Variants in PLPP3 observed in about 807,000 individuals in gnomAD.
PLPP3 encodes the protein phospholipid phosphatase 3.
In PLPP3, 6 loss-of-function variants were observed where a neutral mutation model predicts 29.6. That is an observed-to-expected ratio of 0.20 (90% confidence interval 0.11 to 0.40). The LOEUF is 0.40. Ranked by LOEUF, PLPP3 falls within the 10% of genes least tolerant of loss-of-function variation. The pLI is 1.00. For missense variants in PLPP3, 308 were observed against 407.7 expected, an observed-to-expected ratio of 0.76 and a Z score of 2.11; for synonymous variants, 152 against 159.7, an observed-to-expected ratio of 0.95 and a Z score of 0.36.
chr1:56,541,008 A>G (rs1475601418), intron 1 of PLPP3, among the ~76,000 whole-genome samples: 1 of 152,184 alleles, frequency 6.6e-6, no homozygotes, highest in Non-Finnish European at 1.5e-5. Context: ...AAGTCAATAC[A>G]TCATAGTACC....
intron 2 of PLPP3, among the ~76,000 whole-genome samples, chr1:56,531,914 C>T (rs896813706): frequency 3.3e-5 from 5 of 152,178 alleles, no homozygotes; most frequent in African/African-American, 1.2e-4. Flanking sequence ...TTATCTGACT[C>T]TCCACCCCAT....
intron 1 of PLPP3, among the ~76,000 whole-genome samples, chr1:56,555,567 G>A (rs576060783): frequency 6.6e-6 from 1 of 152,030 alleles, no homozygotes; most frequent in Admixed American, 6.5e-5. Context: ...ATGGAATGTG[G>A]TCCAATTACC....
chr1:56,522,073 A>G (rs1033182425), intron 4 of PLPP3, among the ~76,000 whole-genome samples: 4 of 152,228 alleles, frequency 2.6e-5, no homozygotes, highest in Non-Finnish European at 2.9e-5. Context: ...AAAAGAACAT[A>G]AAACAATGCT....
chr1:56,523,626 G>A (rs1446077027), intron 4 of PLPP3, among the ~76,000 whole-genome samples, 197 bp downstream of exon 4: 1 of 152,122 alleles, frequency 6.6e-6, no homozygotes, highest in Non-Finnish European at 1.5e-5. Context: ...TTGAAAAATG[G>A]GGGAAAAAAC....
rs142472827 is a variant in PLPP3, at chr1:56,537,429, C to T, written c.140-317G>A. Among the ~76,000 whole-genome samples, 1,335 of 152,170 alleles carry T rather than the reference C, an allele frequency of 8.8e-3. 13 individuals carry two copies. The highest frequency in any genetic ancestry group is 0.031 in the African/African-American group (1,272 of 41,524). On this transcript the variant is annotated intron_variant, in intron 1 of 5. Coordinates refer to ENST00000371250, the MANE Select transcript of PLPP3 (RefSeq NM_003713.5). ...CAATACCCTGCTAAAAATTAAAGCC[C>T]GAATCGCAACATTTACTAATATAGC...
At chr1:56,556,985 A>G (rs897297914) in intron 1 of PLPP3, among the ~76,000 whole-genome samples, 1 of 6,324 alleles carries the variant, frequency 1.6e-4, no homozygotes, top group Non-Finnish European at 4.2e-4. Context: ...AAAGAAAGAA[A>G]GAAAGAAAGA....
chr1:56,500,729 G>A (rs1278633968), intron 5 of PLPP3, among the ~76,000 whole-genome samples: 1 of 152,196 alleles, frequency 6.6e-6, no homozygotes, highest in Non-Finnish European at 1.5e-5. Context: ...TGGAGGTCAG[G>A]TGCAGTGGCT....
At position 56,524,806 on chromosome 1, in the gene PLPP3, ATGTGTGTGTG is replaced by A. The variant is rs3835682; in HGVS notation, c.298-262_298-253del. ...AATATATTTATATGTATATATGTGT[ATGTGTGTGTG>A]TGTGTGTGTGTGTGTGTATCTTTTT... On this transcript the variant is annotated intron_variant, in intron 2 of 5. Transcript: ENST00000371250. This position sits in a 1 kb window ranked among gnomAD's most constrained non-coding sequence, Gnocchi z 4.3. Among the ~76,000 whole-genome samples the A allele has an allele frequency of 1.3e-5, 2 of 148,258 alleles. No individual in the cohort carries two copies. Among genetic ancestry groups the A allele is most frequent in the East Asian group, 2.0e-4 (1 of 4,938 alleles).
chr1:56,545,756 C>T (rs954290735), intron 1 of PLPP3, among the ~76,000 whole-genome samples: 3 of 152,172 alleles, frequency 2.0e-5, no homozygotes, highest in Non-Finnish European at 4.4e-5. Flanking sequence ...AGCCATGCTA[C>T]CCAGGTGTAC....
At chr1:56,518,715 TTATATA>T (rs145573744) in intron 4 of PLPP3, among the ~76,000 whole-genome samples, 4 of 126,668 alleles carry the variant, frequency 3.2e-5, no homozygotes, top group Non-Finnish European at 1.7e-5. Context: ...TTTTAATCAT[TTATATA>T]TATATATATA....
At chr1:56,563,663 C>T (rs1308853518) in intron 1 of PLPP3, among the ~76,000 whole-genome samples, 1 of 152,198 alleles carries the variant, frequency 6.6e-6, no homozygotes, top group Non-Finnish European at 1.5e-5. Context: ...AGTAAATGAC[C>T]TCTGCTACTG....
Position 56,536,942 on chromosome 1 carries a change from T to TTC in PLPP3, c.297+12_297+13insGA, listed in dbSNP as rs1272182136. The TTC allele has an allele frequency of 1.2e-6, 2 of 1,613,064 alleles. No homozygotes were observed. The highest frequency in any genetic ancestry group is 2.2e-5 in the South Asian group (2 of 90,984). ...TCAGACAGGATCCACCATAGCAGAGTCTGGACACTTACCGCGAGGATGGCA... is the reference window on the plus strand; with the variant it reads ...TCAGACAGGATCCACCATAGCAGAGTTCCTGGACACTTACCGCGAGGATGGCA... On this transcript the variant is annotated intron_variant, in intron 2 of 5. Coordinates refer to ENST00000371250, the MANE Select transcript of PLPP3 (RefSeq NM_003713.5).
chr1:56,578,464 C>T (rs565154635), intron 1 of PLPP3, among the ~76,000 whole-genome samples: 27 of 152,256 alleles, frequency 1.8e-4, no homozygotes, highest in African/African-American at 6.5e-4. Context: ...GGCAGGAGCC[C>T]GACTCTCGGG....
chr1:56,556,088 C>A (rs2100289899), intron 1 of PLPP3, among the ~76,000 whole-genome samples: 1 of 152,288 alleles, frequency 6.6e-6, no homozygotes, highest in Non-Finnish European at 1.5e-5. Flanking sequence ...GCCTCAATTT[C>A]CTCACACATA....
intron 5 of PLPP3, among the ~76,000 whole-genome samples, chr1:56,509,206 AT>A (rs1325389412): frequency 2.6e-5 from 4 of 152,142 alleles, no homozygotes; most frequent in African/African-American, 9.7e-5. Context: ...AGGGAAAGAG[AT>A]TTATCACCCC....
chr1:56,530,160 C>T (rs1010609683), intron 2 of PLPP3, among the ~76,000 whole-genome samples: 1 of 151,728 alleles, frequency 6.6e-6, no homozygotes, highest in African/African-American at 2.4e-5. Context: ...AATATCACAC[C>T]ACCATGCTTT....
chr1:56,575,533 G>T (rs1453570820), intron 1 of PLPP3, among the ~76,000 whole-genome samples: 1 of 152,108 alleles, frequency 6.6e-6, no homozygotes, highest in South Asian at 2.1e-4. Context: ...TTCTGCTTTG[G>T]TGCAAATGGG....
chr1:56,535,243 C>A (rs542461706), intron 2 of PLPP3, among the ~76,000 whole-genome samples: 10 of 152,230 alleles, frequency 6.6e-5, no homozygotes, highest in African/African-American at 2.4e-4. Context: ...AGGTCTGAAC[C>A]AGGGCATGTG....
chr1:56,518,715 T>TTATATATATATATATATATATA lies in PLPP3; in HGVS notation c.633+5107_633+5108insTATATATATATATATATATATA, dbSNP rs145573744. ...GGAATTTACAGCCTTTTTTAATCAT[T>TTATATATATATATATATATATA]TATATATATATATATATATAGACAG... On this transcript the variant is annotated intron_variant, in intron 4 of 5. Transcript: ENST00000371250. Among the ~76,000 whole-genome samples, 382 of 126,596 alleles carry TTATATATATATATATATATATA rather than the reference T, an allele frequency of 3.0e-3. 7 individuals are homozygous for TTATATATATATATATATATATA. The highest frequency in any genetic ancestry group is 5.7e-3 in the African/African-American group (205 of 35,762). 83.1% of individuals were successfully genotyped at this position (126,596 alleles called of 152,430 possible). A position where few individuals can be genotyped will look rare whatever the true frequency, so the allele number is the denominator to read the frequency against.
Sources: allele counts gnomAD v4.1 joint callset (sites outside exome capture counted in the v4.1 genomes callset), GRCh38; gene constraint gnomAD v4.1.1; non-coding constraint Gnocchi (gnomAD v3.1); transcripts MANE v1.5; gene names NCBI Gene and HGNC (gene_info 2026-07-23, HGNC 2026-07-21).